Variants in RSPO2 observed in about 807,000 individuals in gnomAD.
The protein encoded by RSPO2 is R-spondin-2.
In RSPO2, 14 loss-of-function variants were observed where a neutral mutation model predicts 30.9. The ratio of observed to expected loss-of-function variants is 0.45; its 90% CI spans 0.30 to 0.71. The LOEUF (loss-of-function observed/expected upper bound fraction) is 0.71. Ranked by LOEUF, RSPO2 falls within the 30% of genes least tolerant of loss-of-function variation. RSPO2 has a pLI of 0.08. For missense variants in RSPO2, 264 were observed against 301.9 expected (o/e 0.87, Z 0.93); for synonymous variants, 107 against 96.4 (o/e 1.11, Z -0.64).
At chr8:107,939,738 TAAC>T (rs1812834544) in intron 5 of RSPO2, among the ~76,000 whole-genome samples, 1 of 151,844 alleles carries the variant, frequency 6.6e-6, no homozygotes, top group Non-Finnish European at 1.5e-5. Context: ...TCTGGCAACA[TAAC>T]AAGAAAAAAA....
chr8:107,962,788 G>GA (rs998604305), intron 3 of RSPO2, among the ~76,000 whole-genome samples: 27 of 144,584 alleles, frequency 1.9e-4, no homozygotes, highest in South Asian at 8.8e-4. Context: ...GGGTGAAGAT[G>GA]AAAAAAAAAA....
At chr8:107,999,562 G>A (rs1815157007) in intron 2 of RSPO2, among the ~76,000 whole-genome samples, 1 of 152,036 alleles carries the variant, frequency 6.6e-6, no homozygotes, top group South Asian at 2.1e-4. Flanking sequence ...AGCCTCCCGA[G>A]TAGTTGGGAC....
chr8:108,077,995 G>A (rs1813065647), intron 2 of RSPO2, among the ~76,000 whole-genome samples: 4 of 152,126 alleles, frequency 2.6e-5, no homozygotes, highest in Admixed American at 2.6e-4. Context: ...TAGTTTAAAG[G>A]CAGTCAGTTG....
chr8:108,059,515 G>A (rs1217346228), intron 2 of RSPO2, among the ~76,000 whole-genome samples: 4 of 151,358 alleles, frequency 2.6e-5, no homozygotes, highest in African/African-American at 9.8e-5. Context: ...TATACGCAAA[G>A]GACTATAAAT....
intron 5 of RSPO2, among the ~76,000 whole-genome samples, chr8:107,948,859 C>CAAA (rs200850030): frequency 6.9e-6 from 1 of 145,610 alleles, no homozygotes; most frequent in African/African-American, 2.6e-5. Context: ...GACTCCATCT[C>CAAA]AAAAAAAAAA....
intron 2 of RSPO2, among the ~76,000 whole-genome samples, chr8:108,032,958 G>A (rs1811469752): frequency 6.8e-6 from 1 of 147,084 alleles, no homozygotes; most frequent in Admixed American, 7.0e-5. Flanking sequence ...GCTAAGGCAG[G>A]AGAATGGCAT....
intron 2 of RSPO2, among the ~76,000 whole-genome samples, chr8:107,996,217 A>G (rs1386567016): frequency 6.6e-6 from 1 of 152,164 alleles, no homozygotes; most frequent in Non-Finnish European, 1.5e-5. Flanking sequence ...GCTAGAGAGA[A>G]TCCAACTCTT....
chr8:108,068,461 A>T (rs987812526), intron 2 of RSPO2, among the ~76,000 whole-genome samples: 1 of 152,206 alleles, frequency 6.6e-6, no homozygotes, highest in Non-Finnish European at 1.5e-5. Flanking sequence ...ATATTATGGT[A>T]TAATTAACAA....
chr8:107,974,847 T>TACACAC (rs10530103), intron 3 of RSPO2, among the ~76,000 whole-genome samples: 2,997 of 150,864 alleles, frequency 0.02, 65 homozygotes, highest in South Asian at 0.063. Flanking sequence ...CACATACACA[T>TACACAC]ACACACACAC....
At position 107,918,377 on chromosome 8, in the gene RSPO2, T is replaced by C. The variant is rs1452358880; in HGVS notation, c.617-17187A>G. 2.6e-4 allele frequency among the ~76,000 whole-genome samples: 40 copies of C among 152,194 alleles called. 1 individual carries two copies. Among genetic ancestry groups the C allele is most frequent in the Admixed American group, 2.6e-3 (40 of 15,268 alleles). The stretch of plus-strand genomic sequence containing the variant: ...CTGTTTTCTTTGTAATGGGACACCA[T>C]TGGAGAAACTGGTTATTTTACCAAG... On this transcript the variant is annotated intron_variant, in intron 5 of 5. Transcript: ENST00000276659.
chr8:107,958,659 C>A (rs1813516211), intron 4 of RSPO2, among the ~76,000 whole-genome samples: 1 of 152,160 alleles, frequency 6.6e-6, no homozygotes, highest in Non-Finnish European at 1.5e-5. Flanking sequence ...TTAAGCCCAG[C>A]ATCCATTATC....
chr8:107,976,631 T>C (rs1938006449), intron 3 of RSPO2, among the ~76,000 whole-genome samples: 1 of 152,138 alleles, frequency 6.6e-6, no homozygotes, highest in Admixed American at 6.6e-5. Flanking sequence ...TTTTTAGACA[T>C]GAGGACACTG....
chr8:107,956,581 T>A (rs191394683), intron 5 of RSPO2, among the ~76,000 whole-genome samples: 1 of 152,180 alleles, frequency 6.6e-6, no homozygotes, highest in Non-Finnish European at 1.5e-5. Context: ...TGTGGCTAGG[T>A]CAAAATAAAG....
rs753330485 is a variant in RSPO2 at position 108,082,536 on chromosome 8, G to A, written c.94+9C>T. ...GCCCACCACGCACCTTTGGCAGAGAGGGACCCACCTCGCTTACTGCGTCTC... is the reference window on the plus strand; with the variant it reads ...GCCCACCACGCACCTTTGGCAGAGAAGGACCCACCTCGCTTACTGCGTCTC... On this transcript the variant is annotated intron_variant, in intron 2 of 5. Transcript: ENST00000276659. 24 of 1,611,622 alleles carry A rather than the reference G, an allele frequency of 1.5e-5. No homozygotes were observed. Among genetic ancestry groups the A allele is most frequent in the African/African-American group, 2.7e-5 (2 of 74,906 alleles).
At chr8:108,014,843 AT>A (rs1167784197) in intron 2 of RSPO2, among the ~76,000 whole-genome samples, 3 of 140,470 alleles carry the variant, frequency 2.1e-5, no homozygotes, top group South Asian at 2.3e-4. Context: ...TTAAAGTATA[AT>A]AAAAAAAAAA....
At chr8:107,984,782 G>T (rs1345263575) in intron 3 of RSPO2, among the ~76,000 whole-genome samples, 1 of 152,128 alleles carries the variant, frequency 6.6e-6, no homozygotes, top group South Asian at 2.1e-4. Context: ...AAATAGTGTT[G>T]CCATGAATAA....
chr8:108,007,279 G>A (rs1213221420), intron 2 of RSPO2, among the ~76,000 whole-genome samples: 3 of 151,926 alleles, frequency 2.0e-5, no homozygotes, highest in Admixed American at 6.6e-5. Flanking sequence ...GAATGATTGC[G>A]GCCACACAGA....
chr8:108,051,854 C>CACA (rs942973395), intron 2 of RSPO2, among the ~76,000 whole-genome samples: 4 of 152,172 alleles, frequency 2.6e-5, no homozygotes, highest in African/African-American at 9.7e-5. Flanking sequence ...AAATCACATG[C>CACA]ACAACCAGGG....
intron 5 of RSPO2, among the ~76,000 whole-genome samples, chr8:107,921,569 A>G (rs1036075757): frequency 2.0e-5 from 3 of 152,096 alleles, no homozygotes; most frequent in African/African-American, 7.2e-5. Context: ...ACTATTCCAA[A>G]AAAATTGAAG....
Sources: allele counts gnomAD v4.1 joint callset (sites outside exome capture counted in the v4.1 genomes callset), GRCh38; gene constraint gnomAD v4.1.1; transcripts MANE v1.5; gene names NCBI Gene and HGNC (gene_info 2026-07-23, HGNC 2026-07-21).